The following LRP1 variants were observed in gnomAD, a reference collection of about 807,000 sequenced individuals.
The protein encoded by LRP1 is LDL receptor related protein 1.
LRP1 carries 51 observed loss-of-function variants against 541.5 expected under a neutral mutation model. The ratio of observed to expected loss-of-function variants is 0.09; its 90% CI spans 0.08 to 0.12. The LOEUF (loss-of-function observed/expected upper bound fraction) is 0.12, where lower values mean the gene tolerates loss of function less well. LRP1 is among the 10% of genes least tolerant of loss of function. The pLI is 1.00. For missense variants in LRP1, 3,878 were observed against 6,376.2 expected (o/e 0.61, Z 13.34); for synonymous variants, 2,219 against 2,470.8 (o/e 0.90, Z 3.02).
In LRP1 at chr12:57,128,896, TG is replaced by T. The variant is rs35919563; in HGVS notation, c.-61del. Reference sequence around the variant, plus strand: ...AGGAGGAAAAGGGGGACCCCCCAACTGGGGGGGGTGAAGGAGAGAAGTAGCA... The same window carrying T: ...AGGAGGAAAAGGGGGACCCCCCAACTGGGGGGGTGAAGGAGAGAAGTAGCA... On this transcript the variant is annotated 5_prime_UTR_variant, in exon 1 of 89. Transcript: ENST00000243077. 2.0e-3 allele frequency: 2,680 copies of T among 1,344,816 alleles called. 19 individuals carry two copies. The African/African-American group carries it at 0.021, about 11-fold the overall frequency. The allele number at this position is 1,344,816 out of a possible 1,614,324, so 83.3% of individuals were successfully genotyped here.
chr12:57,166,279 G>T lies in LRP1; in HGVS notation c.2797+70G>T, dbSNP rs988756108. The T allele has an allele frequency of 4.6e-6, 7 of 1,515,230 alleles. No individual in the cohort carries two copies. The South Asian group carries it at 5.0e-5, about 11-fold the overall frequency. 93.9% of individuals were successfully genotyped at this position (1,515,230 alleles called of 1,614,324 possible). On this transcript the variant is annotated intron_variant, in intron 17 of 88. Transcript: ENST00000243077. ...GAGGCAGGGGAGACGAGGGGGCCAG[G>T]TTCAGTGGCTCATGCCTATAATCTC...
At position 57,173,927 on chromosome 12, in the gene LRP1, T is replaced by A; in HGVS notation, c.3494T>A (p.Leu1165Gln). ...TCAGTCTGCCTGCCCCCTGACAAGCTGTGTGATGGCAACGACGACTGTGGC... is the reference window on the plus strand; with the variant it reads ...TCAGTCTGCCTGCCCCCTGACAAGCAGTGTGATGGCAACGACGACTGTGGC... ...NTSVCLPPDKLCDGNDDCGDG... is the reference protein window; with the variant it reads ...NTSVCLPPDKQCDGNDDCGDG... Residue 1165 changes from leucine (L) to glutamine (Q), a missense_variant, in exon 22 of 89, where the codon CTG becomes CAG. Transcript: ENST00000243077. This position sits in a 1 kb window ranked among gnomAD's most constrained non-coding sequence, Gnocchi z 4.7. 6.2e-7 allele frequency: 1 copy of A among 1,614,152 alleles called. No homozygotes were observed. Among genetic ancestry groups the A allele is most frequent in the South Asian group, 1.1e-5 (1 of 91,084 alleles).
At chr12:57,155,992 G>A in intron 8 of LRP1, 102 bp from the exon 9 acceptor site, 1 of 849,914 alleles carries the variant, frequency 1.2e-6, no homozygotes, top group East Asian at 2.5e-5. Context: ...GATGAATTGG[G>A]GAATGCAGGT....
chr12:57,169,529 T>C (rs1476245038), intron 20 of LRP1, among the ~76,000 whole-genome samples: 3 of 152,170 alleles, frequency 2.0e-5, no homozygotes, highest in Non-Finnish European at 4.4e-5. Context: ...CGCTTTGCAG[T>C]TGGTGGCCTT....
chr12:57,157,336 C>T (rs1222797665), intron 10 of LRP1, among the ~76,000 whole-genome samples: 9 of 152,154 alleles, frequency 5.9e-5, no homozygotes, highest in Non-Finnish European at 2.9e-5. Context: ...AATAGTCAGG[C>T]GTGGTGGCTT....
At position 57,208,677 on chromosome 12, in the gene LRP1, G is replaced by A. The variant is rs375558744; in HGVS notation, c.12039-34G>A. The A allele has an allele frequency of 1.1e-4, 163 of 1,445,592 alleles. 1 individual carries two copies. Among genetic ancestry groups the A allele is most frequent in the Non-Finnish European group, 1.4e-4 (141 of 1,035,156 alleles). The allele number at this position is 1,445,592 out of a possible 1,614,324, so 89.5% of individuals were successfully genotyped here. On this transcript the variant is annotated intron_variant, in intron 77 of 88. Coordinates refer to ENST00000243077, the MANE Select transcript of LRP1 (RefSeq NM_002332.3). ...CTGGGCCTGCCTCCTCTGGCCCTCC[G>A]GCCTGCCCACACTCACCCCTTCTCC...
intron 44 of LRP1, among the ~76,000 whole-genome samples, chr12:57,191,862 A>AG (rs2036398294): frequency 2.0e-5 from 1 of 50,904 alleles, no homozygotes. Flanking sequence ...CACACCACAT[A>AG]CACACCACAC....
Position 57,183,271 on chromosome 12 carries a change from G to A in LRP1, c.5663-108G>A. The A allele has an allele frequency of 1.7e-5, 20 of 1,167,090 alleles. No individual in the cohort carries two copies. The highest frequency in any genetic ancestry group is 2.3e-5 in the Non-Finnish European group (19 of 814,472). The allele number at this position is 1,167,090 out of a possible 1,614,324, so 72.3% of individuals were successfully genotyped here. A position where few individuals can be genotyped will look rare whatever the true frequency, so the allele number is the denominator to read the frequency against. On this transcript the variant is annotated intron_variant, in intron 34 of 88. Transcript: ENST00000243077. The surrounding 1 kb of genome is among the most constrained non-coding windows in gnomAD (Gnocchi z 6.1). ...CTGGGTGGAGGATAGGGATGATGGTGGGGGGGGATGATATCAAAGGAGAAG... is the reference window on the plus strand; with the variant it reads ...CTGGGTGGAGGATAGGGATGATGGTAGGGGGGGATGATATCAAAGGAGAAG...
intron 61 of LRP1, 42 bp from the exon 62 acceptor site, chr12:57,199,835 G>T (rs2036610826): frequency 6.4e-7 from 1 of 1,550,460 alleles, no homozygotes; most frequent in Non-Finnish European, 8.7e-7. Flanking sequence ...CCTTTGGTAG[G>T]CCAGAAAATG....
At chr12:57,134,225 T>C (rs531149576) in intron 1 of LRP1, among the ~76,000 whole-genome samples, 1 of 152,092 alleles carries the variant, frequency 6.6e-6, no homozygotes, top group Non-Finnish European at 1.5e-5. Context: ...TGTCCTGGTG[T>C]TCTTCCTCCA....
rs140672252 is a variant in LRP1 at position 57,132,523 on chromosome 12, G to A, written c.67+3492G>A. On this transcript the variant is annotated intron_variant, in intron 1 of 88. Transcript: ENST00000243077. Reference sequence around the variant, plus strand: ...GCTCCCACCCTACTCTAGGCTCAGCGGGGTAGTCATTCTCTGGGTTCATCC... The same window carrying A: ...GCTCCCACCCTACTCTAGGCTCAGCAGGGTAGTCATTCTCTGGGTTCATCC... 3.0e-3 allele frequency among the ~76,000 whole-genome samples: 455 copies of A among 152,292 alleles called. 3 individuals are homozygous for A. Among genetic ancestry groups the A allele is most frequent in the African/African-American group, 0.01 (433 of 41,550 alleles).
rs767127816 is a variant in LRP1, at chr12:57,183,822, C to A, written c.5842C>A (p.Arg1948=). 6.2e-7 allele frequency: 1 copy of A among 1,614,154 alleles called. No homozygotes were observed. The highest frequency in any genetic ancestry group is 1.1e-5 in the South Asian group (1 of 91,086). ...WVDMGLSTIS[R]AKRDQTWRED... Reference sequence around the variant, plus strand: ...GGACATGGGCCTGAGCACGATCAGCCGGGCCAAGCGGGACCAGACGTGGCG... The same window carrying A: ...GGACATGGGCCTGAGCACGATCAGCAGGGCCAAGCGGGACCAGACGTGGCG... Residue 1948 remains arginine (R), a synonymous_variant, in exon 36 of 89, where the codon CGG becomes AGG. Coordinates refer to ENST00000243077, the MANE Select transcript of LRP1 (RefSeq NM_002332.3). This position sits in a 1 kb window ranked among gnomAD's most constrained non-coding sequence, Gnocchi z 6.1.
At chr12:57,186,727 G>A (rs1009676924) in intron 41 of LRP1, among the ~76,000 whole-genome samples, 3 of 152,298 alleles carry the variant, frequency 2.0e-5, no homozygotes, top group East Asian at 1.9e-4. Context: ...CCTCACCTCC[G>A]GCTGTCTGCA....
chr12:57,202,315 G>A, intron 67 of LRP1, 106 bp from the exon 68 acceptor site: 3 of 886,474 alleles, frequency 3.4e-6, no homozygotes, highest in Non-Finnish European at 5.7e-6. Context: ...CCCTTCCCAA[G>A]CTGGGATGCC....
rs1268028699 is a variant in LRP1 at position 57,145,171 on chromosome 12, C to T, written c.578-56C>T. On this transcript the variant is annotated intron_variant, in intron 5 of 88. Coordinates refer to ENST00000243077, the MANE Select transcript of LRP1 (RefSeq NM_002332.3). ...ATGCTGTTCCCTGGTGGGTGGTGGC[C>T]TGAGAGGTGGTCCTAGAGCCCTGGC... 8 of 1,613,288 alleles carry T rather than the reference C, an allele frequency of 5.0e-6. No homozygotes were observed. In the African/African-American group the frequency reaches 8.0e-5, roughly 16 times the overall value.
chr12:57,172,495 G>A (rs1391504631), intron 20 of LRP1, among the ~76,000 whole-genome samples: 4 of 152,092 alleles, frequency 2.6e-5, no homozygotes, highest in Non-Finnish European at 4.4e-5. Flanking sequence ...AAGTGCTGGC[G>A]TAGTCCTATC....
At chr12:57,193,386 G>A in intron 46 of LRP1, 82 bp downstream of exon 46, 2 of 1,565,058 alleles carry the variant, frequency 1.3e-6, no homozygotes, top group South Asian at 2.3e-5. Context: ...GGATGGAGCA[G>A]GATCAGGACC....
rs141892093 is a variant in LRP1, at chr12:57,179,489, C to T, written c.4899C>T (p.Asp1633=). 2.2e-3 allele frequency: 3,603 copies of T among 1,614,218 alleles called. 13 individuals are homozygous for T. Among genetic ancestry groups the T allele is most frequent in the South Asian group, 3.8e-3 (348 of 91,088 alleles). The change falls in exon 29 of 89, where the codon GAC becomes GAT. Residue 1633 remains aspartate (D), a synonymous_variant. Coordinates refer to ENST00000243077, the MANE Select transcript of LRP1 (RefSeq NM_002332.3). This position sits in a 1 kb window ranked among gnomAD's most constrained non-coding sequence, Gnocchi z 6.8. ...DAREQRVYWS[D]VRTQAIKRAF... The stretch of plus-strand genomic sequence containing the variant: ...GCGAGCAGCGTGTGTACTGGTCTGA[C>T]GTGCGGACACAGGCCATCAAGCGGG...
intron 18 of LRP1, 22 bp downstream of exon 18, chr12:57,167,068 A>G: frequency 6.2e-7 from 1 of 1,600,484 alleles, no homozygotes; most frequent in South Asian, 1.1e-5. Flanking sequence ...GGGCAGAGGG[A>G]GTCAGGCTGG....
Sources: gnomAD v4.1 joint callset for allele counts (sites outside exome capture counted in the v4.1 genomes callset) on GRCh38, gnomAD v4.1.1 for gene constraint, Gnocchi (gnomAD v3.1) non-coding constraint, MANE v1.5 for transcripts, NCBI Gene and HGNC (gene_info 2026-07-23, HGNC 2026-07-21) for gene names.